The following DAGLA variants were observed in gnomAD, a reference collection of about 807,000 sequenced individuals.
DAGLA encodes the protein diacylglycerol lipase-alpha.
In DAGLA, 22 loss-of-function variants were observed where a neutral mutation model predicts 102.6. The ratio of observed to expected loss-of-function variants is 0.21; its 90% CI spans 0.15 to 0.31. The LOEUF (loss-of-function observed/expected upper bound fraction) is 0.31. Ranked by LOEUF, DAGLA falls within the 10% of genes least tolerant of loss-of-function variation. DAGLA has a pLI of 1.00. For missense variants in DAGLA, 927 were observed against 1,446.6 expected, an observed-to-expected ratio of 0.64 and a Z score of 5.83; for synonymous variants, 578 against 628.9, an observed-to-expected ratio of 0.92 and a Z score of 1.21.
intron 1 of DAGLA, among the ~76,000 whole-genome samples, chr11:61,702,197 A>G (rs1213837623): frequency 6.6e-6 from 1 of 152,180 alleles, no homozygotes; most frequent in Non-Finnish European, 1.5e-5. Context: ...CCCCACAGCT[A>G]GCCCATGTTA....
Position 61,741,273 on chromosome 11 carries a change from C to T in DAGLA, c.2095C>T (p.Leu699Phe), listed in dbSNP as rs1217430025. 1.2e-6 allele frequency: 2 copies of T among 1,613,266 alleles called. No homozygotes were observed. Among genetic ancestry groups the T allele is most frequent in the Admixed American group, 1.7e-5 (1 of 60,028 alleles). ...TPELIFQQQP[L>F]PTGPPMPTGL... ...TGAGCTCATCTTCCAGCAGCAGCCACTCCCCACGGGGCCGCCCATGCCCAC... is the reference window on the plus strand; with the variant it reads ...TGAGCTCATCTTCCAGCAGCAGCCATTCCCCACGGGGCCGCCCATGCCCAC... The change falls in exon 19 of 20, where the codon CTC becomes TTC. Residue 699 changes from leucine to phenylalanine, a missense_variant. By Grantham distance (22) the Leu-to-Phe change is conservative. This residue lies in a region of DAGLA where 434 missense variants were observed against 503.3 expected (regional missense o/e 0.86). Coordinates refer to ENST00000257215, the MANE Select transcript of DAGLA (RefSeq NM_006133.3).
At chr11:61,685,343 A>G (rs186080205) in intron 1 of DAGLA, among the ~76,000 whole-genome samples, 1 of 152,284 alleles carries the variant, frequency 6.6e-6, no homozygotes, top group Non-Finnish European at 1.5e-5. Context: ...TCCATAGAGA[A>G]GTGGTTATGT....
chr11:61,690,144 C>T (rs554879659), intron 1 of DAGLA, among the ~76,000 whole-genome samples: 1 of 152,310 alleles, frequency 6.6e-6, no homozygotes, highest in Admixed American at 6.5e-5. Flanking sequence ...GAACACCAGC[C>T]GTATCCAAGT....
chr11:61,742,872 T>G (rs2135613685), intron 19 of DAGLA, among the ~76,000 whole-genome samples: 1 of 149,496 alleles, frequency 6.7e-6, no homozygotes, highest in South Asian at 2.1e-4. Flanking sequence ...GGCTCATGAG[T>G]GATCTGGGGC....
chr11:61,727,393 C>T lies in DAGLA; in HGVS notation c.637-760C>T, dbSNP rs546494760. Among the ~76,000 whole-genome samples, 6 of 152,350 alleles carry T rather than the reference C, an allele frequency of 3.9e-5. No homozygotes were observed. The East Asian group carries it at 1.2e-3, about 29-fold the overall frequency. On this transcript the variant is annotated intron_variant, in intron 6 of 19. Transcript: ENST00000257215. The stretch of plus-strand genomic sequence containing the variant: ...CTTACAAGTGCCAAACACTCAGGGG[C>T]GAGACCCAGTGAGACAGACTTCATT...
chr11:61,725,862 TC>T (rs1156375184), intron 5 of DAGLA, 132 bp from the exon 6 acceptor site: 1 of 802,080 alleles, frequency 1.2e-6, no homozygotes, highest in Non-Finnish European at 2.1e-6. Flanking sequence ...GGCCCTGTTC[TC>T]CCCCAGAACC....
chr11:61,682,949 A>G (rs545510488), intron 1 of DAGLA, among the ~76,000 whole-genome samples: 22 of 152,220 alleles, frequency 1.4e-4, no homozygotes, highest in East Asian at 7.7e-4. Flanking sequence ...ACCTCTCCCA[A>G]TGTGGCCCCA....
In DAGLA at chr11:61,736,364, C is replaced by T. The variant is rs760115535; in HGVS notation, c.1371+14C>T. On this transcript the variant is annotated intron_variant, in intron 13 of 19. Transcript: ENST00000257215. ...GGGCGAGACCTGGTGAGGAATTTTC[C>T]ATGGCACCAAGCCTTTTCACACCTG... The T allele has an allele frequency of 3.7e-6, 6 of 1,611,382 alleles. No individual in the cohort carries two copies. Among genetic ancestry groups the T allele is most frequent in the East Asian group, 2.2e-5 (1 of 44,858 alleles).
In DAGLA at chr11:61,733,353, T is replaced by TG. The variant is rs201607439; in HGVS notation, c.975-1491dup. Among the ~76,000 whole-genome samples, 921 of 152,288 alleles carry TG rather than the reference T, an allele frequency of 6.0e-3. 8 individuals are homozygous for TG. Among genetic ancestry groups the TG allele is most frequent in the African/African-American group, 0.021 (892 of 41,564 alleles). ...GCCCATCACCACTTGACCTGCAGTG[T>TG]GGGGGACCATGCTCTCCCATTGTAC... On this transcript the variant is annotated intron_variant, in intron 9 of 19. Coordinates refer to ENST00000257215, the MANE Select transcript of DAGLA (RefSeq NM_006133.3).
At chr11:61,681,706 G>A (rs2064943689) in intron 1 of DAGLA, among the ~76,000 whole-genome samples, 1 of 151,988 alleles carries the variant, frequency 6.6e-6, no homozygotes, top group Admixed American at 6.6e-5. Flanking sequence ...GGGGCCACCG[G>A]GACTCCCACC....
At chr11:61,730,737 C>T (rs904970987) in intron 8 of DAGLA, among the ~76,000 whole-genome samples, 12 of 152,204 alleles carry the variant, frequency 7.9e-5, no homozygotes, top group Non-Finnish European at 1.5e-4. Flanking sequence ...CTCCCACCAA[C>T]GCAGCCCCTG....
intron 15 of DAGLA, 79 bp from the exon 16 acceptor site, chr11:61,738,056 G>GC: frequency 8.6e-7 from 1 of 1,158,004 alleles, no homozygotes; most frequent in South Asian, 1.3e-5. Context: ...GCGTGTGCCT[G>GC]CCCCTCCGCC....
rs1231941832 is a variant in DAGLA, at chr11:61,744,388, A to G, written c.3028A>G (p.Ser1010Gly). ...GGACCTGACGCCCACGGGCCTCAGTAGCCAGGAATGCCTGGCGGCTGACAA... is the reference window on the plus strand; with the variant it reads ...GGACCTGACGCCCACGGGCCTCAGTGGCCAGGAATGCCTGGCGGCTGACAA... ...LMDLTPTGLS[S>G]QECLAADKIR... The change falls in exon 20 of 20, where the codon AGC (serine) becomes GGC (glycine). Residue 1010 changes from serine (S) to glycine (G), a missense_variant. Transcript: ENST00000257215. The G allele has an allele frequency of 6.2e-7, 1 of 1,611,272 alleles. No individual in the cohort carries two copies. Among genetic ancestry groups the G allele is most frequent in the African/African-American group, 1.3e-5 (1 of 74,872 alleles).
Position 61,736,407 on chromosome 11 carries a change from G to T in DAGLA, c.1371+57G>T, listed in dbSNP as rs969320770. ...CACACCTGGGTCCCCCTCCTCCAAC[G>T]CAGCACAGAGAGGAGAGGATGGATG... On this transcript the variant is annotated intron_variant, in intron 13 of 19. Transcript: ENST00000257215. 6 of 1,386,620 alleles carry T rather than the reference G, an allele frequency of 4.3e-6. No homozygotes were observed. In the African/African-American group the frequency reaches 8.5e-5, roughly 20 times the overall value. 85.9% of individuals were successfully genotyped at this position (1,386,620 alleles called of 1,614,324 possible). A position where few individuals can be genotyped will look rare whatever the true frequency, so the allele number is the denominator to read the frequency against.
rs560592969 is a variant in DAGLA, at chr11:61,730,997, C to T, written c.850-320C>T. On this transcript the variant is annotated intron_variant, in intron 8 of 19. Transcript: ENST00000257215. Reference sequence around the variant, plus strand: ...GGGGATTACTACTCACATCCCTCAACTCTTCCCTTCTCTGGAAAACAGGCA... The same window carrying T: ...GGGGATTACTACTCACATCCCTCAATTCTTCCCTTCTCTGGAAAACAGGCA... Among the ~76,000 whole-genome samples, 6 of 152,362 alleles carry T rather than the reference C, an allele frequency of 3.9e-5. No homozygotes were observed. In the South Asian group the frequency reaches 1.0e-3, roughly 26 times the overall value.
At chr11:61,728,410 C>A in intron 7 of DAGLA, 123 bp downstream of exon 7, 7 of 1,227,706 alleles carry the variant, frequency 5.7e-6, no homozygotes, top group Non-Finnish European at 8.0e-6. Context: ...ACCACGCACT[C>A]TCTTGGACCC....
chr11:61,696,459 C>A (rs2065066812), intron 1 of DAGLA, among the ~76,000 whole-genome samples: 1 of 152,210 alleles, frequency 6.6e-6, no homozygotes. Context: ...GGGGCGCTCC[C>A]TGAAAGATCC....
At chr11:61,693,078 G>T (rs906797756) in intron 1 of DAGLA, among the ~76,000 whole-genome samples, 2 of 150,076 alleles carry the variant, frequency 1.3e-5, no homozygotes, top group African/African-American at 4.9e-5. Flanking sequence ...CAGTGGTGCG[G>T]TCTGCCTTCT....
chr11:61,738,064 G>A (rs960158737), intron 15 of DAGLA, 71 bp from the exon 16 acceptor site: 54 of 1,269,246 alleles, frequency 4.3e-5, no homozygotes, highest in Non-Finnish European at 5.5e-5. Flanking sequence ...CTGCCCCTCC[G>A]CCCCTGGCCC....
Sources: allele counts gnomAD v4.1 joint callset (sites outside exome capture counted in the v4.1 genomes callset), GRCh38; gene constraint gnomAD v4.1.1; regional missense constraint gnomAD v4.1.1; transcripts MANE v1.5; gene names NCBI Gene and HGNC (gene_info 2026-07-23, HGNC 2026-07-21).